Variants in PRKCE observed in about 807,000 individuals in gnomAD.
PRKCE encodes the protein protein kinase C epsilon.
PRKCE carries 16 observed loss-of-function variants against 85.4 expected under a neutral mutation model. The ratio of observed to expected loss-of-function variants is 0.19; its 90% CI spans 0.13 to 0.28. The LOEUF (loss-of-function observed/expected upper bound fraction) is 0.28. Among genes scored for constraint, PRKCE ranks in the 10% least tolerant of loss-of-function variants. The pLI, the probability that PRKCE is intolerant of heterozygous loss-of-function variation, is 1.00. For synonymous variants in PRKCE, 388 were observed against 371.5 expected, an observed-to-expected ratio of 1.04 and a Z score of -0.51; for missense variants, 573 against 975.2, an observed-to-expected ratio of 0.59 and a Z score of 5.49.
chr2:46,064,904 G>A (rs6740057), intron 10 of PRKCE, among the ~76,000 whole-genome samples: 5,370 of 152,256 alleles, frequency 0.035, 166 homozygotes, highest in East Asian at 0.14. Context: ...GTGGGAAAGG[G>A]GAGGCCCCAT....
intron 1 of PRKCE, among the ~76,000 whole-genome samples, chr2:45,777,243 A>T (rs1685822256): frequency 6.6e-6 from 1 of 152,040 alleles, no homozygotes; most frequent in Admixed American, 6.5e-5. Context: ...CTTTCTTGAG[A>T]AGGTAAGTTT....
At chr2:45,716,153 T>G (rs1680067541) in intron 1 of PRKCE, among the ~76,000 whole-genome samples, 1 of 152,242 alleles carries the variant, frequency 6.6e-6, no homozygotes, top group Non-Finnish European at 1.5e-5. Context: ...CCTGGGATGG[T>G]TGTTTCTCCA....
intron 14 of PRKCE, among the ~76,000 whole-genome samples, chr2:46,171,291 C>T (rs1014735730): frequency 6.6e-6 from 1 of 152,156 alleles, no homozygotes; most frequent in Non-Finnish European, 1.5e-5. Flanking sequence ...CAGGCATCTC[C>T]TGGGGTGCCC....
chr2:45,661,208 A>G (rs932287782), intron 1 of PRKCE, among the ~76,000 whole-genome samples: 2 of 152,162 alleles, frequency 1.3e-5, no homozygotes, highest in Admixed American at 1.3e-4. Flanking sequence ...TTTGAGATGG[A>G]GTCTTGCTCT....
At chr2:45,779,700 A>G (rs527616152) in intron 1 of PRKCE, among the ~76,000 whole-genome samples, 40 of 151,972 alleles carry the variant, frequency 2.6e-4, no homozygotes, top group Non-Finnish European at 5.1e-4. Context: ...CTTTCAGAAG[A>G]TTTTCTTTGC....
intron 2 of PRKCE, among the ~76,000 whole-genome samples, chr2:45,865,506 T>C (rs1693519188): frequency 6.6e-6 from 1 of 152,204 alleles, no homozygotes. Flanking sequence ...TGCTATGTGT[T>C]GAATATGTCC....
In PRKCE at chr2:46,007,512, C is replaced by T; in HGVS notation, c.1114C>T (p.Arg372Ter). Residue 372 changes from arginine to a stop codon, truncating the protein, a stop_gained, in exon 9 of 15, where the codon CGA becomes TGA. Coordinates refer to ENST00000306156, the MANE Select transcript of PRKCE (RefSeq NM_005400.3). LOFTEE classifies it high-confidence loss of function. ...NIRKALSFDN[R>*]GEEHRAASSP... ...TCGGAAAGCCTTGTCATTTGACAACCGAGGAGAGGAGCACCGGGCAGCATC... is the reference window on the plus strand; with the variant it reads ...TCGGAAAGCCTTGTCATTTGACAACTGAGGAGAGGAGCACCGGGCAGCATC... 1 of 1,599,728 alleles carries T rather than the reference C, an allele frequency of 6.3e-7. No individual in the cohort carries two copies. The highest frequency in any genetic ancestry group is 8.5e-7 in the Non-Finnish European group (1 of 1,179,950).
At chr2:46,179,884 CCT>C (rs1327538994) in intron 14 of PRKCE, among the ~76,000 whole-genome samples, 1 of 152,166 alleles carries the variant, frequency 6.6e-6, no homozygotes, top group African/African-American at 2.4e-5. Flanking sequence ...CAAAACACCC[CCT>C]GACAGCACAG....
intron 8 of PRKCE, among the ~76,000 whole-genome samples, chr2:46,006,482 T>G (rs1194529042): frequency 6.6e-6 from 1 of 152,186 alleles, no homozygotes; most frequent in African/African-American, 2.4e-5. Flanking sequence ...TAAGCCCTTA[T>G]GGGACTCTGT....
rs544690552 is a variant in PRKCE at position 45,761,128 on chromosome 2, C to T, written c.349-81872C>T. 1.5e-4 allele frequency among the ~76,000 whole-genome samples: 23 copies of T among 152,116 alleles called. No individual in the cohort carries two copies. In the East Asian group the frequency reaches 4.5e-3, roughly 29 times the overall value. On this transcript the variant is annotated intron_variant, in intron 1 of 14. Transcript: ENST00000306156. Reference sequence around the variant, plus strand: ...GGATCACGAGGTCAGGAGATTGAGACCATCTTGGCTAACACGGTGAAACCT... The same window carrying T: ...GGATCACGAGGTCAGGAGATTGAGATCATCTTGGCTAACACGGTGAAACCT...
chr2:45,726,179 C>G (rs576710257), intron 1 of PRKCE, among the ~76,000 whole-genome samples: 34 of 152,138 alleles, frequency 2.2e-4, no homozygotes, highest in Non-Finnish European at 3.7e-4. Context: ...GAAATGACAA[C>G]AAAGGATTTA....
At chr2:45,876,115 T>A (rs1212684611) in intron 2 of PRKCE, among the ~76,000 whole-genome samples, 1 of 152,206 alleles carries the variant, frequency 6.6e-6, no homozygotes, top group Non-Finnish European at 1.5e-5. Context: ...GTACCTGTAT[T>A]TAAGATAATA....
intron 11 of PRKCE, among the ~76,000 whole-genome samples, chr2:46,143,097 T>G (rs1299694731): frequency 1.3e-5 from 2 of 152,168 alleles, no homozygotes; most frequent in African/African-American, 4.8e-5. Flanking sequence ...ATCACCTACC[T>G]TCTTCCAGCT....
intron 1 of PRKCE, among the ~76,000 whole-genome samples, chr2:45,729,292 AGT>A (rs1256239086): frequency 6.6e-6 from 1 of 152,204 alleles, no homozygotes; most frequent in African/African-American, 2.4e-5. Flanking sequence ...AGCAAGATAG[AGT>A]AGAGAGAAAG....
chr2:45,734,430 G>A (rs75317193), intron 1 of PRKCE, among the ~76,000 whole-genome samples: 1,752 of 152,102 alleles, frequency 0.012, 32 homozygotes, highest in African/African-American at 0.04. Context: ...CTGATTTTAC[G>A]TAATGCTTGC....
At chr2:45,773,498 T>G (rs1220014446) in intron 1 of PRKCE, among the ~76,000 whole-genome samples, 1 of 152,168 alleles carries the variant, frequency 6.6e-6, no homozygotes, top group Non-Finnish European at 1.5e-5. Context: ...CTCCTGGGCA[T>G]CAAGAGGTAG....
chr2:46,096,257 G>C (rs1279664238), intron 11 of PRKCE, among the ~76,000 whole-genome samples: 2 of 152,218 alleles, frequency 1.3e-5, no homozygotes, highest in African/African-American at 4.8e-5. Flanking sequence ...TCTCTGGACT[G>C]CTTTGAAAAT....
chr2:45,969,030 C>T (rs1341473497), intron 2 of PRKCE, among the ~76,000 whole-genome samples: 1 of 103,152 alleles, frequency 9.7e-6, no homozygotes, highest in East Asian at 2.2e-4. Flanking sequence ...GAGATTATCC[C>T]GTGCATTGGG....
At chr2:45,756,380 C>T (rs994621892) in intron 1 of PRKCE, among the ~76,000 whole-genome samples, 1 of 152,118 alleles carries the variant, frequency 6.6e-6, no homozygotes, top group African/African-American at 2.4e-5. Flanking sequence ...AAGTACAAAA[C>T]TTCAGATGTA....
Sources: gnomAD v4.1 joint callset for allele counts (sites outside exome capture counted in the v4.1 genomes callset) on GRCh38, gnomAD v4.1.1 for gene constraint, MANE v1.5 for transcripts, NCBI Gene and HGNC (gene_info 2026-07-23, HGNC 2026-07-21) for gene names.